STOX1: variants seen among roughly 807,000 people sequenced by gnomAD.
STOX1 encodes storkhead-box protein 1.
A neutral mutation model predicts 74.8 loss-of-function variants in STOX1; 57 were observed. That is an observed-to-expected ratio of 0.76 (90% CI 0.62 to 0.95). STOX1 has a LOEUF of 0.95. Among genes scored for constraint, STOX1 ranks in the 40% least tolerant of loss-of-function variants. The probability of loss-of-function intolerance (pLI) is 0.00; values close to 1 mark genes in which losing one functional copy is unlikely to be tolerated. For missense variants in STOX1, 1,010 were observed against 1,117.0 expected, an observed-to-expected ratio of 0.90 and a Z score of 1.37; for synonymous variants, 375 against 401.3, an observed-to-expected ratio of 0.93 and a Z score of 0.78.
chr10:68,880,184 T>TTTTG (rs1840781722), intron 1 of STOX1, among the ~76,000 whole-genome samples: 1 of 75,148 alleles, frequency 1.3e-5, no homozygotes, highest in South Asian at 4.4e-4. Flanking sequence ...TTTTTTTTTG[T>TTTTG]TTTTGTTTTG....
rs201329017 is a variant in STOX1, at chr10:68,886,374, G to T, written c.2578G>T (p.Ala860Ser). The change falls in exon 3 of 4, where the codon GCA becomes TCA. Residue 860 changes from alanine (A) to serine (S), a missense_variant. Coordinates refer to ENST00000298596, the MANE Select transcript of STOX1 (RefSeq NM_152709.5). ...ADERIFDYYS[A>S]RKASFEAEVI... ...TGAAAGAATCTTTGATTACTATAGC[G>T]CAAGAAAAGCCAGTTTTGAAGCTGA... 29 of 1,614,032 alleles carry T rather than the reference G, an allele frequency of 1.8e-5. No homozygotes were observed. The highest frequency in any genetic ancestry group is 2.7e-5 in the African/African-American group (2 of 74,904).
At position 68,884,982 on chromosome 10, in the gene STOX1, T is replaced by C. The variant is rs1840903685; in HGVS notation, c.1186T>C (p.Ser396Pro). ...GAAAAAATATAATAGCCAGGGCACTTCCACTGACATGCTGACAATCGGGCA... is the reference window on the plus strand; with the variant it reads ...GAAAAAATATAATAGCCAGGGCACTCCCACTGACATGCTGACAATCGGGCA... ...EQKKYNSQGT[S>P]TDMLTIGHKY... The change falls in exon 3 of 4, where the codon TCC becomes CCC. Residue 396 changes from serine to proline, a missense_variant. Physicochemically the swap from Ser to Pro is moderately conservative, Grantham distance 74 (BLOSUM62 -1). Coordinates refer to ENST00000298596, the MANE Select transcript of STOX1 (RefSeq NM_152709.5). The C allele has an allele frequency of 6.2e-7, 1 of 1,614,150 alleles. No homozygotes were observed. Among genetic ancestry groups the C allele is most frequent in the Non-Finnish European group, 8.5e-7 (1 of 1,180,042 alleles).
chr10:68,830,428 C>T (rs1235520801), intron 1 of STOX1, among the ~76,000 whole-genome samples: 1 of 152,132 alleles, frequency 6.6e-6, no homozygotes, highest in Non-Finnish European at 1.5e-5. Context: ...CTGCAACCTC[C>T]ACCTCCTGGG....
intron 1 of STOX1, among the ~76,000 whole-genome samples, chr10:68,857,184 AC>A: frequency 6.6e-6 from 1 of 152,140 alleles, no homozygotes; most frequent in South Asian, 2.1e-4. Context: ...CTACATAGGC[AC>A]TCCCTACCCC....
At chr10:68,836,768 C>T (rs111319959) in intron 1 of STOX1, among the ~76,000 whole-genome samples, 8 of 152,234 alleles carry the variant, frequency 5.3e-5, no homozygotes, top group Non-Finnish European at 4.4e-5. Context: ...CTGGCTAAGC[C>T]TTCCCACCTA....
intron 1 of STOX1, among the ~76,000 whole-genome samples, chr10:68,880,811 AG>A (rs1031980809): frequency 3.9e-5 from 6 of 152,032 alleles, no homozygotes; most frequent in African/African-American, 1.4e-4. Flanking sequence ...CTCCTGCCTC[AG>A]CCTCCTGAGT....
chr10:68,832,016 C>G (rs183679739), intron 1 of STOX1, among the ~76,000 whole-genome samples: 307 of 151,638 alleles, frequency 2.0e-3, no homozygotes, highest in African/African-American at 7.2e-3. Context: ...CCTCCCCCCT[C>G]GGCCTCCCAA....
chr10:68,876,119 A>AATATATATATATATAT (rs56325624), intron 1 of STOX1, among the ~76,000 whole-genome samples: 20 of 135,732 alleles, frequency 1.5e-4, no homozygotes, highest in Non-Finnish European at 2.8e-4. Context: ...TCTTTACCAG[A>AATATATATATATATAT]ATATATATAT....
chr10:68,843,534 G>A (rs1210138597), intron 1 of STOX1, among the ~76,000 whole-genome samples: 1 of 151,814 alleles, frequency 6.6e-6, no homozygotes, highest in East Asian at 1.9e-4. Context: ...TTTTGTTACC[G>A]GTTTTTTTGT....
At chr10:68,888,409 T>C (rs1158945887) in intron 3 of STOX1, among the ~76,000 whole-genome samples, 1 of 152,140 alleles carries the variant, frequency 6.6e-6, no homozygotes, top group Non-Finnish European at 1.5e-5. Context: ...GCCTAACATC[T>C]AGATATTTTT....
intron 1 of STOX1, among the ~76,000 whole-genome samples, chr10:68,834,973 G>T (rs1303697141): frequency 6.6e-6 from 1 of 151,740 alleles, no homozygotes; most frequent in African/African-American, 2.4e-5. Flanking sequence ...ATCCATCTGC[G>T]TTGGCCTCCC....
Position 68,886,110 on chromosome 10 carries a change from C to G in STOX1, c.2314C>G (p.Gln772Glu). The G allele has an allele frequency of 1.9e-6, 3 of 1,614,092 alleles. No homozygotes were observed. The highest frequency in any genetic ancestry group is 2.2e-5 in the South Asian group (2 of 91,078). The change falls in exon 3 of 4, where the codon CAA becomes GAA. Residue 772 changes from glutamine to glutamate, a missense_variant. Physicochemically the swap from Gln to Glu is conservative, Grantham distance 29 (BLOSUM62 2). Transcript: ENST00000298596. ...GGSQGNHLGK[Q>E]KVIERSLTEY... ...AAGCCAGGGAAATCATTTAGGAAAA[C>G]AAAAAGTGATTGAGAGATCTCTGAC...
rs117117525 is a variant in STOX1 at position 68,847,282 on chromosome 10, A to G, written c.310+19349A>G. ...AGGGGAAAAAATATTTTGAACAGCA[A>G]CAAAAGATGACCCCAGTATAAGTTT... is the stretch of plus-strand genomic sequence containing the variant. On this transcript the variant is annotated intron_variant, in intron 1 of 3. Coordinates refer to ENST00000298596, the MANE Select transcript of STOX1 (RefSeq NM_152709.5). Among the ~76,000 whole-genome samples the G allele has an allele frequency of 8.0e-4, 122 of 152,332 alleles. 2 individuals are homozygous for G. The highest frequency in any genetic ancestry group is 1.2e-3 in the Non-Finnish European group (82 of 68,024).
intron 1 of STOX1, among the ~76,000 whole-genome samples, chr10:68,861,605 G>T (rs1348041891): frequency 1.3e-5 from 2 of 152,056 alleles, no homozygotes; most frequent in Non-Finnish European, 2.9e-5. Flanking sequence ...GCTTTATAAT[G>T]GTGAGCTACT....
intron 1 of STOX1, among the ~76,000 whole-genome samples, chr10:68,833,939 T>C (rs966012349): frequency 1.3e-5 from 2 of 152,178 alleles, no homozygotes; most frequent in African/African-American, 4.8e-5. Flanking sequence ...TTTCCACATC[T>C]AGTTCAAGAG....
At chr10:68,833,789 TA>T (rs1337249134) in intron 1 of STOX1, among the ~76,000 whole-genome samples, 6 of 152,194 alleles carry the variant, frequency 3.9e-5, no homozygotes, top group African/African-American at 1.4e-4. Context: ...TTTCTGAGTA[TA>T]AAACATTATA....
At chr10:68,866,203 G>A (rs1840400739) in intron 1 of STOX1, among the ~76,000 whole-genome samples, 1 of 151,966 alleles carries the variant, frequency 6.6e-6, no homozygotes, top group Non-Finnish European at 1.5e-5. Flanking sequence ...ATAGTCCCAG[G>A]TTGTCCATTG....
chr10:68,846,119 T>G (rs865860782), intron 1 of STOX1, among the ~76,000 whole-genome samples: 1 of 135,838 alleles, frequency 7.4e-6, no homozygotes, highest in African/African-American at 2.6e-5. Flanking sequence ...GCTTGAGGTT[T>G]TTATTATTAT....
intron 1 of STOX1, among the ~76,000 whole-genome samples, chr10:68,875,171 G>A (rs1400793958): frequency 6.6e-6 from 1 of 152,214 alleles, no homozygotes; most frequent in African/African-American, 2.4e-5. Flanking sequence ...GTCTTGTCAA[G>A]GTCCACATCC....
Sources: gnomAD v4.1 joint callset for allele counts (sites outside exome capture counted in the v4.1 genomes callset) on GRCh38, gnomAD v4.1.1 for gene constraint, MANE v1.5 for transcripts, NCBI Gene and HGNC (gene_info 2026-07-23, HGNC 2026-07-21) for gene names.